Variants in NEK11 observed in about 807,000 individuals in gnomAD.
The protein encoded by NEK11 is NIMA related kinase 11.
Under a neutral mutation model 80.7 loss-of-function variants are expected in NEK11, and 72 were observed. The ratio of observed to expected loss-of-function variants is 0.89; its 90% CI spans 0.74 to 1.08. The LOEUF (loss-of-function observed/expected upper bound fraction) is 1.08. NEK11 is among the 50% of genes least tolerant of loss of function. The pLI, the probability that NEK11 is intolerant of heterozygous loss-of-function variation, is 0.00. For synonymous variants in NEK11, 251 were observed against 260.7 expected, an observed-to-expected ratio of 0.96 and a Z score of 0.36; for missense variants, 764 against 763.6, an observed-to-expected ratio of 1.00 and a Z score of -0.01.
intron 14 of NEK11, among the ~76,000 whole-genome samples, chr3:131,173,962 T>G (rs887424069): frequency 3.9e-5 from 6 of 152,190 alleles, no homozygotes; most frequent in African/African-American, 1.2e-4. Flanking sequence ...AAAAAATACA[T>G]AATAGTTTTA....
intron 3 of NEK11, among the ~76,000 whole-genome samples, chr3:131,075,813 A>C (rs1327198952): frequency 1.3e-5 from 2 of 152,154 alleles, no homozygotes; most frequent in Non-Finnish European, 2.9e-5. Context: ...TCCCAGGTGC[A>C]GGTAAGAGCA....
chr3:131,225,323 A>G (rs960851324), intron 14 of NEK11, among the ~76,000 whole-genome samples: 9 of 152,214 alleles, frequency 5.9e-5, no homozygotes, highest in Non-Finnish European at 1.0e-4. Flanking sequence ...ATAGATGTGT[A>G]GTAGGTTATA....
chr3:131,184,416 T>C (rs1425011436), intron 14 of NEK11, among the ~76,000 whole-genome samples: 1 of 152,174 alleles, frequency 6.6e-6, no homozygotes, highest in African/African-American at 2.4e-5. Context: ...TGAGCTAGAC[T>C]CTAAACCCAA....
At chr3:131,063,973 A>G (rs1360861790) in intron 3 of NEK11, among the ~76,000 whole-genome samples, 1 of 152,240 alleles carries the variant, frequency 6.6e-6, no homozygotes, top group Non-Finnish European at 1.5e-5. Context: ...TGGTATATCC[A>G]TACAATAGAA....
chr3:131,273,474 T>G lies in NEK11; in HGVS notation c.1622-4T>G. On this transcript the variant is annotated splice_region_variant and splice_polypyrimidine_tract_variant and intron_variant, in intron 16 of 17. Transcript: ENST00000383366. ...GTCAATAAGGGCTGTGCATTGATTT[T>G]CAGACACAAAGACCATCACCACCAT... 1 of 1,613,148 alleles carries G rather than the reference T, an allele frequency of 6.2e-7. No homozygotes were observed.
intron 5 of NEK11, among the ~76,000 whole-genome samples, chr3:131,120,098 T>C (rs1051693004): frequency 3.5e-4 from 53 of 152,202 alleles, no homozygotes; most frequent in Non-Finnish European, 3.8e-4. Flanking sequence ...ATTTGGCATG[T>C]TTTTGCAGTG....
At chr3:131,188,946 G>A (rs1023210728) in intron 14 of NEK11, among the ~76,000 whole-genome samples, 8 of 152,108 alleles carry the variant, frequency 5.3e-5, no homozygotes, top group African/African-American at 1.9e-4. Context: ...GATCTTCGGG[G>A]GAGATCACCC....
At chr3:131,203,910 G>A (rs1355178573) in intron 14 of NEK11, among the ~76,000 whole-genome samples, 1 of 149,606 alleles carries the variant, frequency 6.7e-6, no homozygotes, top group African/African-American at 2.5e-5. Flanking sequence ...ACCTTCCCCT[G>A]CCCTCCTTTC....
intron 7 of NEK11, among the ~76,000 whole-genome samples, chr3:131,136,745 G>C (rs2085665582): frequency 6.6e-6 from 1 of 152,136 alleles, no homozygotes; most frequent in Admixed American, 6.5e-5. Flanking sequence ...AGGATAATTA[G>C]GTTTACTGAG....
At chr3:131,291,400 A>G (rs574526683) in intron 17 of NEK11, among the ~76,000 whole-genome samples, 4 of 152,292 alleles carry the variant, frequency 2.6e-5, no homozygotes, top group Admixed American at 6.5e-5. Flanking sequence ...TCCATGTTCA[A>G]TTCTCTCTGT....
At chr3:131,069,959 C>T (rs1401365308) in intron 3 of NEK11, among the ~76,000 whole-genome samples, 2 of 150,016 alleles carry the variant, frequency 1.3e-5, no homozygotes, top group Admixed American at 1.3e-4. Flanking sequence ...CACATGTACC[C>T]TAAAACTTAA....
chr3:131,155,057 G>A lies in NEK11; in HGVS notation c.898G>A (p.Glu300Lys), dbSNP rs1389971735. The A allele has an allele frequency of 1.9e-6, 3 of 1,609,796 alleles. No individual in the cohort carries two copies. The African/African-American group carries it at 4.0e-5, about 22-fold the overall frequency. Residue 300 changes from glutamate (E) to lysine (K), a missense_variant, in exon 10 of 18, where the codon GAA (glutamate) becomes AAA (lysine). Transcript: ENST00000383366. The part of the protein sequence containing the change: ...QLQNLMCRYS[E>K]MTLEDKNLDC... Reference sequence around the variant, plus strand: ...TCAGAACCTAATGTGTAGATATTCAGAAATGACTCTGGAAGACAAAAATTT... The same window carrying A: ...TCAGAACCTAATGTGTAGATATTCAAAAATGACTCTGGAAGACAAAAATTT...
intron 5 of NEK11, among the ~76,000 whole-genome samples, chr3:131,125,502 A>G (rs557384338): frequency 6.6e-6 from 1 of 152,308 alleles, no homozygotes; most frequent in East Asian, 1.9e-4. Context: ...CTTTATTGGT[A>G]ATTATTTACA....
intron 14 of NEK11, among the ~76,000 whole-genome samples, chr3:131,218,987 AT>A (rs2094931564): frequency 6.6e-6 from 1 of 152,204 alleles, no homozygotes. Flanking sequence ...CAGTGTGGTG[AT>A]TCCTCAAGGA....
intron 3 of NEK11, among the ~76,000 whole-genome samples, chr3:131,069,428 A>G (rs1346205592): frequency 6.6e-6 from 1 of 152,166 alleles, no homozygotes; most frequent in African/African-American, 2.4e-5. Flanking sequence ...GCGATTCCTC[A>G]GGGATCTAGA....
intron 15 of NEK11, among the ~76,000 whole-genome samples, chr3:131,241,493 C>A (rs572211553): frequency 6.6e-6 from 1 of 152,158 alleles, no homozygotes; most frequent in East Asian, 1.9e-4. Context: ...TGTACATTTT[C>A]TGTTTGGAAA....
chr3:131,270,543 T>C (rs569420975), intron 16 of NEK11, among the ~76,000 whole-genome samples: 7 of 152,378 alleles, frequency 4.6e-5, no homozygotes, highest in Admixed American at 2.0e-4. Context: ...TTATTATGAT[T>C]GTTAAATGAA....
chr3:131,279,773 T>G (rs1042531403), intron 17 of NEK11, among the ~76,000 whole-genome samples: 48 of 152,210 alleles, frequency 3.2e-4, no homozygotes, highest in African/African-American at 1.2e-3. Flanking sequence ...AGTCATATGC[T>G]AGAGCCTTGC....
intron 17 of NEK11, among the ~76,000 whole-genome samples, chr3:131,323,162 A>G (rs1259855407): frequency 6.6e-6 from 1 of 152,200 alleles, no homozygotes; most frequent in Non-Finnish European, 1.5e-5. Context: ...TTGCTCAAAA[A>G]TCACTCAGCA....
Sources: gnomAD v4.1 joint callset for allele counts (sites outside exome capture counted in the v4.1 genomes callset) on GRCh38, gnomAD v4.1.1 for gene constraint, MANE v1.5 for transcripts, NCBI Gene and HGNC (gene_info 2026-07-23, HGNC 2026-07-21) for gene names.